Variants in RAPGEFL1 observed in about 807,000 individuals in gnomAD.
RAPGEFL1 encodes the protein Rap guanine nucleotide exchange factor like 1.
In RAPGEFL1, 31 loss-of-function variants were observed where a neutral mutation model predicts 64.4. The ratio of observed to expected loss-of-function variants is 0.48; its 90% CI spans 0.36 to 0.65. The LOEUF is 0.65. Ranked by LOEUF, RAPGEFL1 falls within the 30% of genes least tolerant of loss-of-function variation. The pLI is 0.00. For synonymous variants in RAPGEFL1, 331 were observed against 274.1 expected (o/e 1.21, Z -2.05); for missense variants, 682 against 677.4 (o/e 1.01, Z -0.08).
chr17:40,178,153 G>T lies in RAPGEFL1; in HGVS notation c.292G>T (p.Gly98Trp), dbSNP rs1386579874. ...PAGVAEEPGS[G>W]GPCWLQLEEV... ...GGGGGTCGCGGAGGAGCCGGGCAGC[G>T]GGGGGCCCTGCTGGCTGCAGCTGGA... Residue 98 changes from glycine (G) to tryptophan (W), a missense_variant, in exon 1 of 15, where the codon GGG becomes TGG. Physicochemically the swap from Gly to Trp is radical, Grantham distance 184. This residue lies in a region of RAPGEFL1 where 271 missense variants were observed against 158.0 expected (regional missense o/e 1.72). Transcript: ENST00000620260. 6 of 557,972 alleles carry T rather than the reference G, an allele frequency of 1.1e-5. No individual in the cohort carries two copies. The highest frequency in any genetic ancestry group is 1.9e-5 in the Non-Finnish European group (6 of 315,116). The allele number at this position is 557,972 out of a possible 1,614,324, so 34.6% of individuals were successfully genotyped here.
chr17:40,193,906 GAA>G lies in RAPGEFL1; in HGVS notation c.*120_*121del. On this transcript the variant is annotated 3_prime_UTR_variant, in exon 15 of 15. Transcript: ENST00000620260. ...CGTGGAGCAACTTCCTGCTCCACGG[GAA>G]AGAGGTCGATGGATTTACCCCTGGA... 1 of 1,376,826 alleles carries G rather than the reference GAA, an allele frequency of 7.3e-7. No homozygotes were observed. The highest frequency in any genetic ancestry group is 9.8e-7 in the Non-Finnish European group (1 of 1,016,194). The allele number at this position is 1,376,826 out of a possible 1,614,324, so 85.3% of individuals were successfully genotyped here. A position where few individuals can be genotyped will look rare whatever the true frequency, so the allele number is the denominator to read the frequency against.
chr17:40,188,813 G>T (rs774303690), intron 4 of RAPGEFL1, 53 bp from the exon 5 acceptor site: 2 of 1,407,174 alleles, frequency 1.4e-6, no homozygotes, highest in Non-Finnish European at 2.0e-6. Context: ...GCTTGGTGTT[G>T]GTTGTCCATA....
chr17:40,182,325 A>G (rs1989918838), intron 2 of RAPGEFL1, among the ~76,000 whole-genome samples: 1 of 151,790 alleles, frequency 6.6e-6, no homozygotes, highest in African/African-American at 2.4e-5. Flanking sequence ...TTATTTATTT[A>G]TTTTGAGATG....
rs1990233584 is a variant in RAPGEFL1 at position 40,190,758 on chromosome 17, A to C, written c.1331A>C (p.His444Pro). The change falls in exon 8 of 15, where the codon CAT becomes CCT. Residue 444 changes from histidine (H) to proline (P), a missense_variant. Around this residue, in one of 2 missense-constraint regions of RAPGEFL1, gnomAD observed 411 missense variants for 519.4 expected, o/e 0.79. Transcript: ENST00000620260. ...AFHWELFRCV[H>P]ELEFVDYVFH... ...CACTGGGAGCTGTTCCGATGTGTGC[A>C]TGAGGTGGGGACCGAGGCTGGTGCT... 4 of 1,614,014 alleles carry C rather than the reference A, an allele frequency of 2.5e-6. No homozygotes were observed. The highest frequency in any genetic ancestry group is 3.4e-6 in the Non-Finnish European group (4 of 1,180,024).
chr17:40,180,334 C>T (rs1338419249), intron 1 of RAPGEFL1, among the ~76,000 whole-genome samples: 4 of 152,126 alleles, frequency 2.6e-5, no homozygotes, highest in African/African-American at 7.2e-5. Flanking sequence ...CCTGAAATGT[C>T]ACCCATGTTA....
chr17:40,188,901 T>G lies in RAPGEFL1; in HGVS notation c.869T>G (p.Val290Gly). ...GAGAACCAGCCACCCAGCAAGCAGG[T>G]GAAGCCACTCTTCCGCCACTTCCGC... ...PEENQPPSKQ[V>G]KPLFRHFRRI... Residue 290 changes from valine to glycine, a missense_variant, in exon 5 of 15, where the codon GTG (valine) becomes GGG (glycine). Val to Gly is a moderately radical substitution (Grantham distance 109). Around this residue, in one of 2 missense-constraint regions of RAPGEFL1, gnomAD observed 411 missense variants for 519.4 expected, o/e 0.79. Coordinates refer to ENST00000620260, the MANE Select transcript of RAPGEFL1 (RefSeq NM_016339.6). 1 of 1,614,106 alleles carries G rather than the reference T, an allele frequency of 6.2e-7. No individual in the cohort carries two copies. The highest frequency in any genetic ancestry group is 8.5e-7 in the Non-Finnish European group (1 of 1,180,026).
Position 40,190,896 on chromosome 17 carries a change from C to T in RAPGEFL1, c.1335+134C>T, listed in dbSNP as rs144655242. On this transcript the variant is annotated intron_variant, in intron 8 of 14. Transcript: ENST00000620260. ...CCCTTGGGCAACGCATGGCCGTAACCTTTGTTCCCCCATCTGAAAAAAATC... is the reference window on the plus strand; with the variant it reads ...CCCTTGGGCAACGCATGGCCGTAACTTTTGTTCCCCCATCTGAAAAAAATC... The T allele has an allele frequency of 3.5e-4, 486 of 1,374,258 alleles. 3 individuals carry two copies. The African/African-American group carries it at 6.8e-3, about 19-fold the overall frequency. The allele number at this position is 1,374,258 out of a possible 1,614,324, so 85.1% of individuals were successfully genotyped here.
intron 2 of RAPGEFL1, among the ~76,000 whole-genome samples, chr17:40,181,901 G>A (rs529121106): frequency 1.3e-5 from 2 of 152,054 alleles, no homozygotes; most frequent in Non-Finnish European, 2.9e-5. Flanking sequence ...GGCTAACATA[G>A]TGAAACACCA....
upstream of RAPGEFL1, chr17:40,177,376 T>G (rs1297107431): frequency 5.7e-6 from 4 of 700,650 alleles, no homozygotes; most frequent in African/African-American, 7.0e-5. Context: ...AGCGCGCGAG[T>G]TCAAGCCTCG....
At chr17:40,178,922 G>T (rs1054998787) in intron 1 of RAPGEFL1, among the ~76,000 whole-genome samples, 19 of 152,166 alleles carry the variant, frequency 1.2e-4, no homozygotes, top group African/African-American at 2.4e-4. Flanking sequence ...GCAGTTTGGT[G>T]GGGGGGATAG....
At chr17:40,187,244 A>G (rs1038541096) in intron 4 of RAPGEFL1, among the ~76,000 whole-genome samples, 1 of 152,184 alleles carries the variant, frequency 6.6e-6, no homozygotes, top group Non-Finnish European at 1.5e-5. Context: ...AGTGTGAACC[A>G]GCTTCAGGAC....
At chr17:40,188,730 AC>A in intron 4 of RAPGEFL1, 135 bp from the exon 5 acceptor site, 3 of 684,632 alleles carry the variant, frequency 4.4e-6, no homozygotes, top group Non-Finnish European at 7.9e-6. Flanking sequence ...CTCTCTTCTG[AC>A]CCCCTTAACC....
intron 4 of RAPGEFL1, 92 bp downstream of exon 4, chr17:40,184,770 T>C (rs1035657823): frequency 4.2e-6 from 3 of 721,536 alleles, no homozygotes; most frequent in African/African-American, 1.8e-5. Flanking sequence ...GGCTGCAATA[T>C]GGATTTGCTT....
intron 4 of RAPGEFL1, 125 bp downstream of exon 4, chr17:40,184,803 A>T: frequency 1.6e-6 from 1 of 640,652 alleles, no homozygotes; most frequent in Non-Finnish European, 2.7e-6. Flanking sequence ...GTTTTGAGAC[A>T]GAGTCTCACT....
rs577212094 is a variant in RAPGEFL1 at position 40,193,862 on chromosome 17, C to G, written c.*74C>G. 4.3e-5 allele frequency: 69 copies of G among 1,586,630 alleles called. No individual in the cohort carries two copies. Among genetic ancestry groups the G allele is most frequent in the Non-Finnish European group, 1.7e-6 (2 of 1,161,926 alleles). ...CAAGCACTTTGCACGATGTCTCAACCAACATCTGACATCTTTCCCGTGGAG... is the reference window on the plus strand; with the variant it reads ...CAAGCACTTTGCACGATGTCTCAACGAACATCTGACATCTTTCCCGTGGAG... On this transcript the variant is annotated 3_prime_UTR_variant, in exon 15 of 15. Transcript: ENST00000620260.
At chr17:40,187,534 A>C (rs1249852552) in intron 4 of RAPGEFL1, among the ~76,000 whole-genome samples, 4 of 151,538 alleles carry the variant, frequency 2.6e-5, no homozygotes, top group Non-Finnish European at 5.9e-5. Context: ...CCCTCCATCC[A>C]TGACACCTCA....
chr17:40,192,282 T>C lies in RAPGEFL1; in HGVS notation c.1656+19T>C, dbSNP rs200291773. On this transcript the variant is annotated intron_variant, in intron 11 of 14. Coordinates refer to ENST00000620260, the MANE Select transcript of RAPGEFL1 (RefSeq NM_016339.6). ...CCTGACGGTGAGTGGGTTTGGCTCT[T>C]TCTTCTGCTCTTGGACTGAGAGCCC... 7 of 1,612,258 alleles carry C rather than the reference T, an allele frequency of 4.3e-6. No homozygotes were observed. In the East Asian group the frequency reaches 1.3e-4, roughly 31 times the overall value.
In RAPGEFL1 at chr17:40,192,364, G is replaced by A. The variant is rs56357916; in HGVS notation, c.1656+101G>A. On this transcript the variant is annotated intron_variant, in intron 11 of 14. Coordinates refer to ENST00000620260, the MANE Select transcript of RAPGEFL1 (RefSeq NM_016339.6). ...TCAAGCTTTCCTTTCAAGGTGTTTA[G>A]TGTATGGGACCCCCCACCCTCCTTA... 203,322 of 1,341,976 alleles carry A rather than the reference G, an allele frequency of 0.15. 17,367 individuals are homozygous for A. Among genetic ancestry groups the A allele is most frequent in the African/African-American group, 0.32 (22,053 of 69,160 alleles). 83.1% of individuals were successfully genotyped at this position (1,341,976 alleles called of 1,614,324 possible).
rs981565404 is a variant in RAPGEFL1, at chr17:40,177,607, C to T, written c.-255C>T. 8 of 387,668 alleles carry T rather than the reference C, an allele frequency of 2.1e-5. No individual in the cohort carries two copies. In the East Asian group the frequency reaches 2.8e-4, roughly 14 times the overall value. 24.0% of individuals were successfully genotyped at this position (387,668 alleles called of 1,614,324 possible). On this transcript the variant is annotated 5_prime_UTR_variant, in exon 1 of 15. Coordinates refer to ENST00000620260, the MANE Select transcript of RAPGEFL1 (RefSeq NM_016339.6). ...CCGGCCCCGCAGCCTGCCCACTCTT[C>T]GGGCCGCGTGCCGGCTGCAGCCGGC...
Sources: allele counts gnomAD v4.1 joint callset (sites outside exome capture counted in the v4.1 genomes callset), GRCh38; gene constraint gnomAD v4.1.1; regional missense constraint gnomAD v4.1.1; transcripts MANE v1.5; gene names NCBI Gene and HGNC (gene_info 2026-07-23, HGNC 2026-07-21).